Variants in PPP1R12A observed in about 807,000 individuals in gnomAD.
The protein encoded by PPP1R12A is myosin binding subunit.
In PPP1R12A, 19 loss-of-function variants were observed where a neutral mutation model predicts 139.6. The observed-to-expected ratio is 0.14, with a 90% CI of 0.09 to 0.20. The LOEUF (loss-of-function observed/expected upper bound fraction) is 0.20. Among genes scored for constraint, PPP1R12A ranks in the 10% least tolerant of loss-of-function variants. PPP1R12A has a pLI of 1.00. For synonymous variants in PPP1R12A, 427 were observed against 420.6 expected (o/e 1.02, Z -0.19); for missense variants, 925 against 1,211.5 (o/e 0.76, Z 3.51).
intron 2 of PPP1R12A, among the ~76,000 whole-genome samples, chr12:79,848,121 A>T (rs957175531): frequency 2.0e-5 from 3 of 152,230 alleles, no homozygotes; most frequent in Admixed American, 6.5e-5. Context: ...TTTTAAATTT[A>T]AAAATATGCT....
At position 79,781,869 on chromosome 12, in the gene PPP1R12A, CA is replaced by C; in HGVS notation, c.2908-8del. The C allele has an allele frequency of 6.5e-7, 1 of 1,530,324 alleles. No homozygotes were observed. The highest frequency in any genetic ancestry group is 8.8e-7 in the Non-Finnish European group (1 of 1,132,468). The allele number at this position is 1,530,324 out of a possible 1,614,324, so 94.8% of individuals were successfully genotyped here. ...CAGCAAATCTTTCTTGTCTCTGCAA[CA>C]AAGTAAGAAATTATAAAAGAGATAA... On this transcript the variant is annotated splice_polypyrimidine_tract_variant and splice_region_variant and intron_variant, in intron 22 of 24. Coordinates refer to ENST00000450142, the MANE Select transcript of PPP1R12A (RefSeq NM_002480.3).
intron 1 of PPP1R12A, among the ~76,000 whole-genome samples, chr12:79,922,191 G>A (rs934390900): frequency 6.6e-6 from 1 of 152,174 alleles, no homozygotes; most frequent in Non-Finnish European, 1.5e-5. Flanking sequence ...AGGCCAGGCA[G>A]TCGAAGCTGC....
chr12:79,880,072 T>C (rs984641705), intron 1 of PPP1R12A, among the ~76,000 whole-genome samples: 2 of 152,166 alleles, frequency 1.3e-5, no homozygotes, highest in Non-Finnish European at 2.9e-5. Context: ...TAAATATCAC[T>C]AATTCCTTTA....
intron 1 of PPP1R12A, among the ~76,000 whole-genome samples, chr12:79,894,426 C>G (rs1330388933): frequency 6.6e-6 from 1 of 151,942 alleles, no homozygotes; most frequent in African/African-American, 2.4e-5. Context: ...TAAGTCTTGA[C>G]CATATAAGGC....
intron 1 of PPP1R12A, among the ~76,000 whole-genome samples, chr12:79,921,330 CATAA>C (rs1287614175): frequency 6.6e-6 from 1 of 152,076 alleles, no homozygotes; most frequent in East Asian, 1.9e-4. Context: ...GTTGAAACTA[CATAA>C]ATAACACAAA....
chr12:79,926,450 C>CA (rs1356695652), intron 1 of PPP1R12A, among the ~76,000 whole-genome samples: 1 of 152,188 alleles, frequency 6.6e-6, no homozygotes, highest in Non-Finnish European at 1.5e-5. Context: ...CTAGGCCTCC[C>CA]AAAGTGCTAG....
At chr12:79,905,979 T>C (rs961015371) in intron 1 of PPP1R12A, among the ~76,000 whole-genome samples, 2 of 152,180 alleles carry the variant, frequency 1.3e-5, no homozygotes, top group Non-Finnish European at 2.9e-5. Flanking sequence ...GTTTAATACA[T>C]TCCTTCATTT....
At chr12:79,901,164 T>C (rs879393174) in intron 1 of PPP1R12A, among the ~76,000 whole-genome samples, 3 of 152,186 alleles carry the variant, frequency 2.0e-5, no homozygotes, top group South Asian at 4.1e-4. Flanking sequence ...GATAAGCTTT[T>C]TGGCAGAAGT....
chr12:79,890,898 CA>C (rs1184974183), intron 1 of PPP1R12A, among the ~76,000 whole-genome samples: 4 of 67,884 alleles, frequency 5.9e-5, no homozygotes, highest in African/African-American at 3.9e-4. Flanking sequence ...CACCCACCCA[CA>C]CCCACCCACA....
At chr12:79,873,432 C>T (rs917623506) in intron 1 of PPP1R12A, among the ~76,000 whole-genome samples, 5 of 149,184 alleles carry the variant, frequency 3.4e-5, no homozygotes, top group African/African-American at 9.9e-5. Context: ...CAAATAATGG[C>T]AGTGGCCAAA....
At chr12:79,778,679 T>C in intron 23 of PPP1R12A, 79 bp from the exon 24 acceptor site, 1 of 948,476 alleles carries the variant, frequency 1.1e-6, no homozygotes, top group Non-Finnish European at 1.5e-6. Flanking sequence ...GAAATAGTGA[T>C]ACTTCAGAAT....
At chr12:79,791,247 T>G (rs1871812811) in intron 19 of PPP1R12A, among the ~76,000 whole-genome samples, 1 of 152,214 alleles carries the variant, frequency 6.6e-6, no homozygotes. Flanking sequence ...TTACATTCAC[T>G]GATTTAAATT....
At chr12:79,859,277 C>A (rs1047650383) in intron 2 of PPP1R12A, among the ~76,000 whole-genome samples, 1 of 145,464 alleles carries the variant, frequency 6.9e-6, no homozygotes, top group Non-Finnish European at 1.5e-5. Flanking sequence ...GTGGAGCCTG[C>A]AGTGAGCCGA....
At chr12:79,931,350 T>A (rs1414016437) in intron 1 of PPP1R12A, among the ~76,000 whole-genome samples, 1 of 152,166 alleles carries the variant, frequency 6.6e-6, no homozygotes, top group Non-Finnish European at 1.5e-5. Flanking sequence ...CATTTAATAT[T>A]TCATTTCAAA....
At chr12:79,813,579 C>A (rs1211443326) in intron 9 of PPP1R12A, among the ~76,000 whole-genome samples, 2 of 152,056 alleles carry the variant, frequency 1.3e-5, no homozygotes, top group Non-Finnish European at 2.9e-5. Flanking sequence ...GGAATGTACA[C>A]CCATATAGAA....
chr12:79,787,943 A>C (rs2136995332), intron 21 of PPP1R12A: 1 of 152,396 alleles, frequency 6.6e-6, no homozygotes, highest in South Asian at 2.1e-4. Flanking sequence ...CACTACATGG[A>C]AAATGCCCAC....
intron 5 of PPP1R12A, 104 bp downstream of exon 5, chr12:79,828,216 A>C: frequency 1.3e-5 from 12 of 937,324 alleles, no homozygotes; most frequent in Non-Finnish European, 1.7e-5. Context: ...AAATATAATT[A>C]TATAATGTAA....
rs182401823 is a variant in PPP1R12A, at chr12:79,820,838, C to T, written c.1050G>A (p.Lys350=). 249 of 1,613,584 alleles carry T rather than the reference C, an allele frequency of 1.5e-4. 3 individuals carry two copies. The African/African-American group carries it at 2.9e-3, about 19-fold the overall frequency. Residue 350 remains lysine (K), a synonymous_variant, in exon 8 of 25, where the codon AAG becomes AAA. Transcript: ENST00000450142. ...CTTCACTAGAGCAGCTAGACTCATC[C>T]TTCTTTCCTTCTTCTTCTTCATCAA... ...EKVDEEEEGK[K]DESSCSSEED... is the part of the protein sequence containing the mutation.
intron 3 of PPP1R12A, among the ~76,000 whole-genome samples, chr12:79,834,987 T>C (rs1036081537): frequency 3.3e-5 from 5 of 152,102 alleles, no homozygotes; most frequent in Admixed American, 1.3e-4. Context: ...CTGGGTGCAG[T>C]TGAGGGTGTT....
Sources: allele counts gnomAD v4.1 joint callset (sites outside exome capture counted in the v4.1 genomes callset), GRCh38; gene constraint gnomAD v4.1.1; transcripts MANE v1.5; gene names NCBI Gene and HGNC (gene_info 2026-07-23, HGNC 2026-07-21).